MAGI1: variants seen among roughly 807,000 people sequenced by gnomAD.
The protein encoded by MAGI1 is membrane-associated guanylate kinase, WW and PDZ domain-containing protein 1.
In MAGI1, 58 loss-of-function variants were observed where a neutral mutation model predicts 139.9. That is an observed-to-expected ratio of 0.41 (90% confidence interval 0.34 to 0.52). The LOEUF (loss-of-function observed/expected upper bound fraction) is 0.52, where lower values mean the gene tolerates loss of function less well. Among genes scored for constraint, MAGI1 ranks in the 20% least tolerant of loss-of-function variants. MAGI1 has a pLI of 0.12. For synonymous variants in MAGI1, 812 were observed against 737.9 expected (o/e 1.10, Z -1.63); for missense variants, 1,874 against 1,901.6 (o/e 0.99, Z 0.27).
At chr3:65,538,034 C>T (rs911948272) in intron 2 of MAGI1, among the ~76,000 whole-genome samples, 1 of 152,180 alleles carries the variant, frequency 6.6e-6, no homozygotes, top group Non-Finnish European at 1.5e-5. Flanking sequence ...ACTTTGAAGG[C>T]TGAGGCAGGA....
intron 2 of MAGI1, among the ~76,000 whole-genome samples, chr3:65,568,016 A>G (rs1376811572): frequency 1.3e-5 from 2 of 152,234 alleles, no homozygotes; most frequent in African/African-American, 4.8e-5. Flanking sequence ...TCCTGAGGTC[A>G]GAATCCATGT....
At chr3:65,773,599 G>A (rs1259441653) in intron 1 of MAGI1, among the ~76,000 whole-genome samples, 2 of 152,110 alleles carry the variant, frequency 1.3e-5, no homozygotes, top group Non-Finnish European at 2.9e-5. Flanking sequence ...ACTAGCATAA[G>A]GTCTATCCAT....
intron 1 of MAGI1, among the ~76,000 whole-genome samples, chr3:65,689,946 T>C (rs564945761): frequency 6.6e-6 from 1 of 152,266 alleles, no homozygotes; most frequent in Non-Finnish European, 1.5e-5. Flanking sequence ...CCGCACCACC[T>C]CTATTTTCTT....
intron 1 of MAGI1, among the ~76,000 whole-genome samples, chr3:66,017,678 C>G (rs983716976): frequency 6.6e-6 from 1 of 152,166 alleles, no homozygotes; most frequent in Non-Finnish European, 1.5e-5. Context: ...GGATGGTGCA[C>G]GTGTGGCCCT....
At chr3:65,588,209 A>G (rs976983955) in intron 2 of MAGI1, among the ~76,000 whole-genome samples, 3 of 152,174 alleles carry the variant, frequency 2.0e-5, no homozygotes, top group Non-Finnish European at 1.5e-5. Flanking sequence ...TTTATTTTCC[A>G]AGAATATAGA....
At chr3:65,699,821 T>C (rs1450908197) in intron 1 of MAGI1, among the ~76,000 whole-genome samples, 5 of 150,774 alleles carry the variant, frequency 3.3e-5, no homozygotes, top group Admixed American at 6.6e-5. Context: ...GGCACATGTA[T>C]ACATATGTAA....
In MAGI1 at chr3:65,371,304, T is replaced by C. The variant is rs538258619; in HGVS notation, c.3196+4441A>G. ...GCAGGTATTCCAGTAAAGTGAGTCA[T>C]GCAAATTCTTTGGCTTCCCAGTGCA... On this transcript the variant is annotated intron_variant, in intron 18 of 22. Coordinates refer to ENST00000402939, the MANE Select transcript of MAGI1 (RefSeq NM_001033057.2). Among the ~76,000 whole-genome samples, 48 of 152,358 alleles carry C rather than the reference T, an allele frequency of 3.2e-4. 2 individuals are homozygous for C. In the South Asian group the frequency reaches 9.7e-3, roughly 31 times the overall value.
chr3:65,408,394 C>G (rs1945523567), intron 12 of MAGI1, among the ~76,000 whole-genome samples: 1 of 152,188 alleles, frequency 6.6e-6, no homozygotes, highest in South Asian at 2.1e-4. Flanking sequence ...AGCAAAAGTG[C>G]TGCTCCCTGG....
At chr3:65,833,295 T>TTTAC in intron 1 of MAGI1, among the ~76,000 whole-genome samples, 1 of 152,132 alleles carries the variant, frequency 6.6e-6, no homozygotes, top group Middle Eastern at 3.4e-3. Context: ...ATTTTTGTAG[T>TTTAC]TTTAGTAGAG....
intron 12 of MAGI1, among the ~76,000 whole-genome samples, chr3:65,404,038 T>C (rs2107137613): frequency 6.6e-6 from 1 of 152,298 alleles, no homozygotes; most frequent in Non-Finnish European, 1.5e-5. Context: ...AGACAGGTGT[T>C]CCACACACTC....
At chr3:65,624,247 T>C (rs1467618495) in intron 1 of MAGI1, among the ~76,000 whole-genome samples, 1 of 152,028 alleles carries the variant, frequency 6.6e-6, no homozygotes, top group African/African-American at 2.4e-5. Context: ...AATAGCCAAG[T>C]GACCCAACAA....
intron 4 of MAGI1, among the ~76,000 whole-genome samples, chr3:65,473,492 T>A (rs1486085140): frequency 6.6e-6 from 1 of 152,076 alleles, no homozygotes; most frequent in African/African-American, 2.4e-5. Context: ...GGCAGTAAAC[T>A]GTTAGGATGA....
chr3:65,628,080 G>A (rs2084082780), intron 1 of MAGI1, among the ~76,000 whole-genome samples: 1 of 152,010 alleles, frequency 6.6e-6, no homozygotes, highest in Non-Finnish European at 1.5e-5. Flanking sequence ...TAGCAAATGT[G>A]TGGGGTTTTT....
At chr3:65,468,615 G>C (rs1478576903) in intron 5 of MAGI1, among the ~76,000 whole-genome samples, 1 of 151,932 alleles carries the variant, frequency 6.6e-6, no homozygotes, top group Non-Finnish European at 1.5e-5. Context: ...GACTTCAGGT[G>C]ATCTGCCTGC....
chr3:66,011,289 G>A (rs1172721207), intron 1 of MAGI1, among the ~76,000 whole-genome samples: 2 of 152,116 alleles, frequency 1.3e-5, no homozygotes, highest in Non-Finnish European at 2.9e-5. Flanking sequence ...GACAACAAAC[G>A]TTGCAACAGT....
intron 1 of MAGI1, among the ~76,000 whole-genome samples, chr3:65,734,470 A>G (rs960610074): frequency 4.0e-5 from 6 of 151,486 alleles, no homozygotes; most frequent in African/African-American, 9.7e-5. Flanking sequence ...GAAAAAAAAA[A>G]AAAGAAAGAA....
chr3:65,368,328 AAC>A lies in MAGI1; in HGVS notation c.3197-3384_3197-3383del, dbSNP rs928111842. 2.2e-4 allele frequency among the ~76,000 whole-genome samples: 34 copies of A among 152,194 alleles called. 1 individual carries two copies. The highest frequency in any genetic ancestry group is 4.8e-5 in the African/African-American group (2 of 41,446). On this transcript the variant is annotated intron_variant, in intron 18 of 22. Coordinates refer to ENST00000402939, the MANE Select transcript of MAGI1 (RefSeq NM_001033057.2). ...AGAAAGTACCCAACATCCTTTATTA[AAC>A]AGTGTTTATACCTACTTTAGCTCTC...
intron 1 of MAGI1, among the ~76,000 whole-genome samples, chr3:65,889,697 A>C (rs894672241): frequency 1.1e-4 from 16 of 152,214 alleles, no homozygotes; most frequent in Non-Finnish European, 1.6e-4. Context: ...ATCTGTACTA[A>C]TAAGGAAAAT....
chr3:65,687,909 G>A, intron 1 of MAGI1: 9 of 664,798 alleles, frequency 1.4e-5, no homozygotes, highest in Middle Eastern at 2.6e-4. Context: ...GGGTGCCTTA[G>A]CAGCCATTCG....
Sources: allele counts gnomAD v4.1 joint callset (sites outside exome capture counted in the v4.1 genomes callset), GRCh38; gene constraint gnomAD v4.1.1; transcripts MANE v1.5; gene names NCBI Gene and HGNC (gene_info 2026-07-23, HGNC 2026-07-21).